Variants in TACR3 observed in about 807,000 individuals in gnomAD.
The protein encoded by TACR3 is neuromedin-K receptor.
Under a neutral mutation model 35.0 loss-of-function variants are expected in TACR3, and 34 were observed. The ratio of observed to expected loss-of-function variants is 0.97; its 90% CI spans 0.74 to 1.30. The LOEUF is 1.30. TACR3 is among the 50% of genes most tolerant of loss of function. The pLI is 0.00. For synonymous variants in TACR3, 233 were observed against 221.1 expected (o/e 1.05, Z -0.48); for missense variants, 558 against 591.7 (o/e 0.94, Z 0.59).
rs142090888 is a variant in TACR3 at position 103,675,650 on chromosome 4, C to T, written c.549-17247G>A. On this transcript the variant is annotated intron_variant, in intron 1 of 4. Coordinates refer to ENST00000304883, the MANE Select transcript of TACR3 (RefSeq NM_001059.3). ...AAGATATGAAGCTCTAGGAGATGAA[C>T]ATCCAATAAGAGATATGCTTACAGG... Among the ~76,000 whole-genome samples the T allele has an allele frequency of 1.9e-3, 287 of 152,200 alleles. 3 individuals are homozygous for T. The highest frequency in any genetic ancestry group is 6.4e-3 in the African/African-American group (267 of 41,548).
chr4:103,635,228 G>C (rs1266455255), intron 3 of TACR3, among the ~76,000 whole-genome samples: 2 of 151,776 alleles, frequency 1.3e-5, no homozygotes, highest in Non-Finnish European at 2.9e-5. Flanking sequence ...TAAAACATTT[G>C]CCTAAATGTA....
rs566027459 is a variant in TACR3, at chr4:103,586,817, A to C, written c.*2865T>G. ...ATTATGTCCGCTTTAATATTTTCCC[A>C]TACAGGTAATTTCAATATCTTGTAC... On this transcript the variant is annotated 3_prime_UTR_variant, in exon 5 of 5. Transcript: ENST00000304883. The C allele has an allele frequency of 6.6e-6, 1 of 152,138 alleles. No homozygotes were observed. Among genetic ancestry groups the C allele is most frequent in the Non-Finnish European group, 1.5e-5 (1 of 68,022 alleles). 9.4% of individuals were successfully genotyped at this position (152,138 alleles called of 1,614,324 possible). A position where few individuals can be genotyped will look rare whatever the true frequency, so the allele number is the denominator to read the frequency against.
intron 3 of TACR3, among the ~76,000 whole-genome samples, chr4:103,639,201 C>G (rs890996783): frequency 5.9e-5 from 9 of 152,042 alleles, no homozygotes; most frequent in Admixed American, 3.9e-4. Context: ...AAATGTCCAA[C>G]AACGATAGAC....
At chr4:103,633,962 A>G (rs1235723749) in intron 3 of TACR3, among the ~76,000 whole-genome samples, 3 of 152,118 alleles carry the variant, frequency 2.0e-5, no homozygotes, top group Non-Finnish European at 4.4e-5. Context: ...ACCTATCACC[A>G]TGTGAAATAA....
chr4:103,620,734 G>A (rs1022152666), intron 3 of TACR3, among the ~76,000 whole-genome samples: 3 of 151,984 alleles, frequency 2.0e-5, no homozygotes, highest in African/African-American at 4.8e-5. Context: ...AATACACATC[G>A]TGGACTACTG....
chr4:103,634,524 C>T (rs1725136909), intron 3 of TACR3, among the ~76,000 whole-genome samples: 1 of 151,206 alleles, frequency 6.6e-6, no homozygotes, highest in Non-Finnish European at 1.5e-5. Flanking sequence ...ATCAGAGTAA[C>T]AGAATGCATT....
At chr4:103,618,604 T>C (rs1724710774) in intron 3 of TACR3, among the ~76,000 whole-genome samples, 1 of 138,120 alleles carries the variant, frequency 7.2e-6, no homozygotes, top group Non-Finnish European at 1.6e-5. Flanking sequence ...TCCATATGAA[T>C]TTTAGACTAG....
chr4:103,619,090 T>C (rs1478492476), intron 3 of TACR3, among the ~76,000 whole-genome samples: 1 of 146,422 alleles, frequency 6.8e-6, no homozygotes, highest in Non-Finnish European at 1.5e-5. Flanking sequence ...TTTCTTTCTC[T>C]GAAAGTTGCT....
chr4:103,683,634 T>C (rs1188165657), intron 1 of TACR3, among the ~76,000 whole-genome samples: 2 of 151,946 alleles, frequency 1.3e-5, no homozygotes, highest in African/African-American at 2.4e-5. Flanking sequence ...ATGTGCAAAC[T>C]ACAAAACTCT....
intron 3 of TACR3, among the ~76,000 whole-genome samples, chr4:103,655,577 G>A (rs1725716365): frequency 6.6e-6 from 1 of 152,002 alleles, no homozygotes; most frequent in Non-Finnish European, 1.5e-5. Context: ...TATTTTAGAG[G>A]TGTTTTTGTT....
intron 3 of TACR3, among the ~76,000 whole-genome samples, chr4:103,598,718 C>T (rs1328185449): frequency 6.6e-6 from 1 of 152,114 alleles, no homozygotes; most frequent in Non-Finnish European, 1.5e-5. Flanking sequence ...GGAATCCTTT[C>T]CCCATTTCTT....
chr4:103,670,862 T>C (rs985223933), intron 1 of TACR3, among the ~76,000 whole-genome samples: 1 of 152,090 alleles, frequency 6.6e-6, no homozygotes, highest in Admixed American at 6.6e-5. Context: ...TGAATAAAAA[T>C]GGTGAAAATG....
chr4:103,642,166 T>C (rs1316375633), intron 3 of TACR3, among the ~76,000 whole-genome samples: 3 of 151,448 alleles, frequency 2.0e-5, no homozygotes, highest in African/African-American at 7.3e-5. Context: ...GTGATGGATA[T>C]GTTAATTAGC....
intron 3 of TACR3, among the ~76,000 whole-genome samples, chr4:103,643,108 C>T (rs745751059): frequency 6.6e-6 from 1 of 151,694 alleles, no homozygotes; most frequent in Non-Finnish European, 1.5e-5. Context: ...TGTTTTTATG[C>T]CTTTTTAGAG....
intron 3 of TACR3, among the ~76,000 whole-genome samples, chr4:103,596,144 C>A (rs1724010683): frequency 6.8e-6 from 1 of 147,750 alleles, no homozygotes; most frequent in Admixed American, 6.8e-5. Context: ...TTAATCCAGT[C>A]TATCATTGTT....
intron 1 of TACR3, among the ~76,000 whole-genome samples, chr4:103,696,520 G>A (rs114676307): frequency 0.014 from 2,121 of 152,162 alleles, 32 homozygotes; most frequent in Middle Eastern, 0.034. Flanking sequence ...TCGTTTCTAT[G>A]CTTTGACAAA....
intron 3 of TACR3, among the ~76,000 whole-genome samples, chr4:103,602,203 C>T (rs1325490535): frequency 6.6e-6 from 1 of 152,218 alleles, no homozygotes; most frequent in African/African-American, 2.4e-5. Context: ...CTGCATTCGT[C>T]ACGTAGCTCT....
chr4:103,706,070 G>C (rs1275007372), intron 1 of TACR3, among the ~76,000 whole-genome samples: 4 of 152,176 alleles, frequency 2.6e-5, no homozygotes, highest in African/African-American at 9.6e-5. Flanking sequence ...GGGTGGCTTG[G>C]AGTAGGGAAG....
intron 3 of TACR3, among the ~76,000 whole-genome samples, chr4:103,633,493 G>A (rs1725113276): frequency 6.6e-6 from 1 of 151,912 alleles, no homozygotes; most frequent in African/African-American, 2.4e-5. Flanking sequence ...GGAGATTTGT[G>A]AGACCCTGGT....
Sources: allele counts gnomAD v4.1 joint callset (sites outside exome capture counted in the v4.1 genomes callset), GRCh38; gene constraint gnomAD v4.1.1; transcripts MANE v1.5; gene names NCBI Gene and HGNC (gene_info 2026-07-23, HGNC 2026-07-21).